NRG1: variants seen among roughly 807,000 people sequenced by gnomAD.
NRG1 encodes neuregulin 1.
Under a neutral mutation model 63.8 loss-of-function variants are expected in NRG1, and 18 were observed. The observed-to-expected ratio is 0.28, with a 90% CI of 0.19 to 0.42. NRG1 has a LOEUF of 0.42. NRG1 is among the 10% of genes least tolerant of loss of function. The pLI is 1.00. For missense variants in NRG1, 762 were observed against 814.7 expected (o/e 0.94, Z 0.79); for synonymous variants, 302 against 301.3 (o/e 1.00, Z -0.02).
chr8:31,851,688 A>C (rs1312509825), intron 1 of NRG1, among the ~76,000 whole-genome samples: 1 of 151,602 alleles, frequency 6.6e-6, no homozygotes, highest in Admixed American at 6.6e-5. Context: ...TACATGTGCC[A>C]TGCTGGTGCG....
At chr8:32,233,563 A>ATATATATATATATATAT (rs34593729) in intron 1 of NRG1, among the ~76,000 whole-genome samples, 5 of 67,250 alleles carry the variant, frequency 7.4e-5, no homozygotes, top group Admixed American at 4.4e-4. Context: ...ATATATATAT[A>ATATATATATATATATAT]TTTTTTTTTT....
Position 31,817,670 on chromosome 8 carries a change from A to G in NRG1, c.37+178239A>G, listed in dbSNP as rs16878327. Among the ~76,000 whole-genome samples the G allele has an allele frequency of 9.1e-3, 1,385 of 152,324 alleles. 21 individuals are homozygous for G. Among genetic ancestry groups the G allele is most frequent in the African/African-American group, 0.032 (1,313 of 41,586 alleles). ...CACTCTGTGTTTAAACTTTCTCAGC[A>G]TTGAGGCATGTGATTAAAAGGAGCT... On this transcript the variant is annotated intron_variant, in intron 1 of 10. Transcript: ENST00000519301.
At chr8:31,739,372 T>A (rs968397135) in intron 1 of NRG1, among the ~76,000 whole-genome samples, 6 of 152,112 alleles carry the variant, frequency 3.9e-5, no homozygotes, top group Non-Finnish European at 7.4e-5. Context: ...TGGTTTAGCA[T>A]TTTTTATATT....
chr8:32,521,383 A>AAAATTAAGGT (rs1475023136), intron 1 of NRG1, among the ~76,000 whole-genome samples: 1 of 152,174 alleles, frequency 6.6e-6, no homozygotes, highest in Non-Finnish European at 1.5e-5. Flanking sequence ...TGTAGATGTG[A>AAAATTAAGGT]AAATTAAGGT....
chr8:31,987,452 C>T lies in NRG1; in HGVS notation c.37+348021C>T, dbSNP rs865903171. Among the ~76,000 whole-genome samples, 25 of 151,292 alleles carry T rather than the reference C, an allele frequency of 1.7e-4. 1 individual carries two copies. Among genetic ancestry groups the T allele is most frequent in the Non-Finnish European group, 2.8e-4 (19 of 67,864 alleles). On this transcript the variant is annotated intron_variant, in intron 1 of 10. Coordinates refer to the NRG1 transcript ENST00000519301. ...ATCATGTCCTTTGTAGCAACATGGACGCAGCTGGAGGCCATTACCCTCAGT... is the reference window on the plus strand; with the variant it reads ...ATCATGTCCTTTGTAGCAACATGGATGCAGCTGGAGGCCATTACCCTCAGT...
intron 1 of NRG1, among the ~76,000 whole-genome samples, chr8:31,905,620 G>A (rs1276754960): frequency 2.6e-5 from 4 of 152,120 alleles, no homozygotes; most frequent in African/African-American, 9.7e-5. Flanking sequence ...TATAAACTCA[G>A]TTGGAAAAAA....
intron 5 of NRG1, among the ~76,000 whole-genome samples, chr8:32,632,355 C>A (rs1850484639): frequency 6.6e-6 from 1 of 151,944 alleles, no homozygotes; most frequent in Admixed American, 6.6e-5. Context: ...GAGTTCGAGA[C>A]CAGCCTCAAC....
At chr8:31,810,355 CAAT>C (rs1822768899) in intron 1 of NRG1, among the ~76,000 whole-genome samples, 2 of 152,240 alleles carry the variant, frequency 1.3e-5, no homozygotes, top group Admixed American at 1.3e-4. Context: ...CAAACAACAA[CAAT>C]AACACCCCTT....
At chr8:32,607,561 C>CA (rs1845477547) in intron 3 of NRG1, among the ~76,000 whole-genome samples, 1 of 152,088 alleles carries the variant, frequency 6.6e-6, no homozygotes, top group Admixed American at 6.6e-5. Flanking sequence ...TTATTCCTGG[C>CA]AAAAACCCAT....
At chr8:32,088,997 C>G (rs1828700005) in intron 1 of NRG1, among the ~76,000 whole-genome samples, 1 of 152,146 alleles carries the variant, frequency 6.6e-6, no homozygotes, top group African/African-American at 2.4e-5. Flanking sequence ...ATTTTGGTCT[C>G]TAAACTGTCA....
At chr8:31,969,497 G>A (rs1013357877) in intron 1 of NRG1, among the ~76,000 whole-genome samples, 2 of 151,976 alleles carry the variant, frequency 1.3e-5, no homozygotes, top group African/African-American at 2.4e-5. Context: ...TCTCAGAAGG[G>A]GCCCTGCCTG....
At chr8:32,400,726 T>C (rs1224712141) in intron 1 of NRG1, among the ~76,000 whole-genome samples, 2 of 152,240 alleles carry the variant, frequency 1.3e-5, no homozygotes, top group East Asian at 1.9e-4. Context: ...GAAAGCAGCA[T>C]GGCGATTCCT....
chr8:31,738,710 T>G (rs1437915609), intron 1 of NRG1, among the ~76,000 whole-genome samples: 5 of 152,030 alleles, frequency 3.3e-5, no homozygotes, highest in Admixed American at 6.6e-5. Flanking sequence ...CTTCCTTGCC[T>G]CTCCCTGTTT....
chr8:32,033,091 A>ATT (rs898802902), intron 1 of NRG1, among the ~76,000 whole-genome samples: 35 of 111,600 alleles, frequency 3.1e-4, no homozygotes, highest in Admixed American at 4.6e-4. Context: ...TGTGCAGTCT[A>ATT]TTTTTTTTTT....
rs1817954757 is a variant in NRG1 at position 32,430,247 on chromosome 8, T to C, written c.38-165581T>C. On this transcript the variant is annotated intron_variant, in intron 1 of 10. Transcript: ENST00000519301. ...GATGTCCTACCCTTCAAGATGCCCT[T>C]AAGAATTCTGGATTCCTTAAATATA... Among the ~76,000 whole-genome samples, 5 of 152,290 alleles carry C rather than the reference T, an allele frequency of 3.3e-5. No homozygotes were observed. In the South Asian group the frequency reaches 1.0e-3, roughly 32 times the overall value.
intron 5 of NRG1, among the ~76,000 whole-genome samples, chr8:32,668,314 A>G (rs540507306): frequency 6.6e-6 from 1 of 152,292 alleles, no homozygotes; most frequent in East Asian, 1.9e-4. Context: ...TTTCCTGGTA[A>G]GAGTTTTTCT....
At chr8:32,011,929 C>A (rs1409754024) in intron 1 of NRG1, among the ~76,000 whole-genome samples, 1 of 152,074 alleles carries the variant, frequency 6.6e-6, no homozygotes, top group Non-Finnish European at 1.5e-5. Context: ...GAATCGCCAC[C>A]TGTCAAAAGT....
At chr8:32,762,038 C>CA (rs11407724) in intron 11 of NRG1, among the ~76,000 whole-genome samples, 67,336 of 81,836 alleles carry the variant, frequency 0.82, 28,354 homozygotes, top group Non-Finnish European at 0.92. Context: ...GACTCCGCCT[C>CA]AAAAAAAAAA....
chr8:32,490,672 T>G (rs1826447671), intron 1 of NRG1, among the ~76,000 whole-genome samples: 1 of 152,216 alleles, frequency 6.6e-6, no homozygotes, highest in Non-Finnish European at 1.5e-5. Context: ...CCCAAACAAC[T>G]GCCAGAGACC....
Sources: allele counts gnomAD v4.1 joint callset (sites outside exome capture counted in the v4.1 genomes callset), GRCh38; gene constraint gnomAD v4.1.1; transcripts MANE v1.5; gene names NCBI Gene and HGNC (gene_info 2026-07-23, HGNC 2026-07-21).